Variants in AFF1 observed in about 807,000 individuals in gnomAD.
AFF1 encodes ALF transcription elongation factor 1, also known as AF4/FMR2 family member 1.
Under a neutral mutation model 121.7 loss-of-function variants are expected in AFF1, and 48 were observed. That is an observed-to-expected ratio of 0.39 (90% CI 0.31 to 0.50). AFF1 has a LOEUF of 0.50. AFF1 is among the 20% of genes least tolerant of loss of function. AFF1 has a pLI of 0.76. For missense variants in AFF1, 1,523 were observed against 1,511.7 expected (o/e 1.01, Z -0.12); for synonymous variants, 613 against 563.0 (o/e 1.09, Z -1.26).
intron 2 of AFF1, among the ~76,000 whole-genome samples, chr4:86,963,040 C>T (rs112414057): frequency 0.021 from 3,195 of 151,876 alleles, 136 homozygotes; most frequent in African/African-American, 0.073. Context: ...CTGGCATGCA[C>T]CTGTAATCCC....
intron 2 of AFF1, among the ~76,000 whole-genome samples, chr4:86,996,292 G>C (rs1484274871): frequency 3.9e-5 from 6 of 152,168 alleles, no homozygotes; most frequent in African/African-American, 1.4e-4. Context: ...AGGGGGGAAA[G>C]GTGGGGAAAA....
chr4:86,950,003 G>C, intron 2 of AFF1: 1 of 1,614,062 alleles, frequency 6.2e-7, no homozygotes, highest in Non-Finnish European at 8.5e-7. Flanking sequence ...GATGGCGAGC[G>C]CCAGTTTCAC....
chr4:87,043,302 C>A (rs945205143), intron 2 of AFF1, among the ~76,000 whole-genome samples: 2 of 152,172 alleles, frequency 1.3e-5, no homozygotes, highest in Non-Finnish European at 2.9e-5. Flanking sequence ...TCCCCACCCG[C>A]TCACCCATAG....
At chr4:87,091,949 T>C (rs367657312) in intron 7 of AFF1, 120 bp downstream of exon 7, 4 of 707,100 alleles carry the variant, frequency 5.7e-6, no homozygotes, top group Admixed American at 3.3e-5. Flanking sequence ...GTTGAAAGAA[T>C]AGGAAAGGAG....
chr4:87,111,961 A>C (rs1430272164), intron 11 of AFF1, among the ~76,000 whole-genome samples: 1 of 152,192 alleles, frequency 6.6e-6, no homozygotes, highest in African/African-American at 2.4e-5. Context: ...ACCAGATGTT[A>C]TTTATACTGG....
chr4:87,094,862 G>T, intron 7 of AFF1, 53 bp from the exon 8 acceptor site: 2 of 1,571,132 alleles, frequency 1.3e-6, no homozygotes, highest in Non-Finnish European at 1.8e-6. Context: ...TCACAACTAA[G>T]GATCTTGTAA....
chr4:87,058,319 C>T (rs922217731), intron 4 of AFF1, among the ~76,000 whole-genome samples: 1 of 152,094 alleles, frequency 6.6e-6, no homozygotes, highest in Non-Finnish European at 1.5e-5. Context: ...TTCCACATGG[C>T]CTTGCTTTCA....
intron 2 of AFF1, among the ~76,000 whole-genome samples, chr4:86,995,235 AAAAC>A (rs150294967): frequency 0.037 from 5,576 of 150,310 alleles, 386 homozygotes; most frequent in African/African-American, 0.13. Context: ...CTTTTCTCAA[AAAAC>A]AAACAGGCAG....
chr4:86,997,579 G>A (rs192223437), intron 2 of AFF1, among the ~76,000 whole-genome samples: 165 of 149,814 alleles, frequency 1.1e-3, no homozygotes, highest in African/African-American at 4.0e-3. Flanking sequence ...TGGCCAACAC[G>A]GTGAAACCCC....
At chr4:87,039,984 C>A (rs369561518) in intron 2 of AFF1, among the ~76,000 whole-genome samples, 4 of 151,870 alleles carry the variant, frequency 2.6e-5, no homozygotes, top group Admixed American at 1.3e-4. Flanking sequence ...TCACTGCAGC[C>A]GAGATCTAGC....
rs1255880379 is a variant in AFF1 at position 86,985,178 on chromosome 4, T to TATATATA, written c.38+36607_38+36608insATATATA. On this transcript the variant is annotated intron_variant, in intron 2 of 20. Coordinates refer to ENST00000395146, the MANE Select transcript of AFF1 (RefSeq NM_001166693.3). ...AAAAATATAATATATATAATATGTA[T>TATATATA]TACTATATATATATATATATATATA... 9.7e-4 allele frequency among the ~76,000 whole-genome samples: 90 copies of TATATATA among 92,988 alleles called. 1 individual carries two copies. The highest frequency in any genetic ancestry group is 1.5e-3 in the Non-Finnish European group (73 of 49,768). The allele number at this position is 92,988 out of a possible 152,430, so 61.0% of individuals were successfully genotyped here. A position where few individuals can be genotyped will look rare whatever the true frequency, so the allele number is the denominator to read the frequency against.
At chr4:87,050,841 A>G (rs1415547543) in intron 4 of AFF1, among the ~76,000 whole-genome samples, 1 of 152,182 alleles carries the variant, frequency 6.6e-6, no homozygotes, top group Non-Finnish European at 1.5e-5. Flanking sequence ...GGACCTGCCC[A>G]ATTGGAAGAT....
chr4:87,112,597 A>G (rs1726650563), intron 11 of AFF1, among the ~76,000 whole-genome samples: 1 of 152,206 alleles, frequency 6.6e-6, no homozygotes, highest in South Asian at 2.1e-4. Flanking sequence ...CCTTTATGTC[A>G]TAGCCACATA....
chr4:87,131,015 G>T, intron 16 of AFF1, 68 bp from the exon 17 acceptor site: 1 of 1,577,148 alleles, frequency 6.3e-7, no homozygotes. Context: ...TCACACTAAA[G>T]AATGTGGGTG....
At chr4:87,022,409 T>G (rs970418523) in intron 2 of AFF1, among the ~76,000 whole-genome samples, 7 of 151,424 alleles carry the variant, frequency 4.6e-5, no homozygotes, top group African/African-American at 1.7e-4. Flanking sequence ...AAAGTATTAC[T>G]GAACACCATA....
At chr4:86,984,452 T>C (rs1397106954) in intron 2 of AFF1, among the ~76,000 whole-genome samples, 1 of 151,764 alleles carries the variant, frequency 6.6e-6, no homozygotes, top group Non-Finnish European at 1.5e-5. Context: ...GCCTCCCGAG[T>C]AGCTGAGACT....
intron 11 of AFF1, among the ~76,000 whole-genome samples, chr4:87,108,824 A>G (rs1726185752): frequency 6.6e-6 from 1 of 152,214 alleles, no homozygotes; most frequent in Non-Finnish European, 1.5e-5. Flanking sequence ...AATTGATGGC[A>G]AAGTGATTTT....
chr4:86,955,766 TAGG>T (rs1265160404), intron 2 of AFF1, among the ~76,000 whole-genome samples: 2 of 152,220 alleles, frequency 1.3e-5, no homozygotes, highest in Non-Finnish European at 2.9e-5. Flanking sequence ...TGAAGTGTTT[TAGG>T]AGATTTGCTG....
rs914671472 is a variant in AFF1, at chr4:87,135,896, G to C, written c.*195G>C. The C allele has an allele frequency of 4.7e-6, 4 of 853,974 alleles. No individual in the cohort carries two copies. The highest frequency in any genetic ancestry group is 6.5e-6 in the Non-Finnish European group (4 of 615,066). 52.9% of individuals were successfully genotyped at this position (853,974 alleles called of 1,614,324 possible). On this transcript the variant is annotated 3_prime_UTR_variant, in exon 21 of 21. Coordinates refer to ENST00000395146, the MANE Select transcript of AFF1 (RefSeq NM_001166693.3). ...TGGACACTGTGGTTATGCAGAAGCA[G>C]AGATGAGGAGGCTGGCCCCAGAGAT... is the stretch of plus-strand genomic sequence containing the variant.
Sources: allele counts gnomAD v4.1 joint callset (sites outside exome capture counted in the v4.1 genomes callset), GRCh38; gene constraint gnomAD v4.1.1; transcripts MANE v1.5; gene names NCBI Gene and HGNC (gene_info 2026-07-23, HGNC 2026-07-21).